ABCA9: variants seen among roughly 807,000 people sequenced by gnomAD.
The protein encoded by ABCA9 is ATP binding cassette subfamily A member 9, also known as ATP-binding cassette sub-family A member 9.
In ABCA9, 183 loss-of-function variants were observed where a neutral mutation model predicts 205.3. The observed-to-expected ratio is 0.89, with a 90% confidence interval of 0.79 to 1.01. The LOEUF (loss-of-function observed/expected upper bound fraction) is 1.01. Ranked by LOEUF, ABCA9 falls within the 50% of genes least tolerant of loss-of-function variation. ABCA9 has a pLI of 0.00. For synonymous variants in ABCA9, 651 were observed against 683.3 expected, an observed-to-expected ratio of 0.95 and a Z score of 0.74; for missense variants, 1,805 against 1,912.4, an observed-to-expected ratio of 0.94 and a Z score of 1.05.
chr17:69,002,682 C>T (rs1243115833), intron 25 of ABCA9, among the ~76,000 whole-genome samples: 3 of 149,258 alleles, frequency 2.0e-5, no homozygotes. Context: ...TGTTGACTTT[C>T]TGTCTCGTTG....
intron 1 of ABCA9, among the ~76,000 whole-genome samples, chr17:69,051,922 AT>A (rs2071912947): frequency 6.6e-6 from 1 of 152,254 alleles, no homozygotes; most frequent in Non-Finnish European, 1.5e-5. Flanking sequence ...GAAGTGGGAA[AT>A]AAGAATGGAG....
At chr17:69,056,439 G>C (rs904684291) in intron 1 of ABCA9, among the ~76,000 whole-genome samples, 3 of 152,152 alleles carry the variant, frequency 2.0e-5, no homozygotes, top group Admixed American at 1.3e-4. Context: ...TTCCTTCAAA[G>C]AGACAATCTG....
the ABCA9 span, among the ~76,000 whole-genome samples, chr17:69,073,139 A>G: frequency 2.0e-5 from 3 of 152,348 alleles, no homozygotes; most frequent in Admixed American, 6.5e-5. Context: ...AGACTTTCAC[A>G]CAATAATAGT....
At chr17:69,039,348 A>G (rs2144419164) in intron 6 of ABCA9, among the ~76,000 whole-genome samples, 1 of 152,310 alleles carries the variant, frequency 6.6e-6, no homozygotes, top group South Asian at 2.1e-4. Flanking sequence ...ACAGCATGGT[A>G]CTGGTACCAA....
rs1467710712 is a variant in ABCA9 at position 69,060,915 on chromosome 17, C to T, written c.-63G>A. 9 of 985,454 alleles carry T rather than the reference C, an allele frequency of 9.1e-6. No homozygotes were observed. The highest frequency in any genetic ancestry group is 1.7e-5 in the African/African-American group (1 of 57,374). 61.0% of individuals were successfully genotyped at this position (985,454 alleles called of 1,614,324 possible). ...CTAGAAACACAGTTCATCCATGGGT[C>T]TCTGCATGTTCTGGAGGAGAATTCA... On this transcript the variant is annotated 5_prime_UTR_variant, in exon 1 of 39. Transcript: ENST00000340001.
chr17:69,017,997 C>A (rs955656935), intron 20 of ABCA9: 2 of 498,898 alleles, frequency 4.0e-6, no homozygotes, highest in South Asian at 3.6e-5. Context: ...CTAGGCATTT[C>A]ATTATAATTT....
intron 8 of ABCA9, chr17:69,034,812 A>T (rs890666560): frequency 2.0e-5 from 3 of 152,412 alleles, no homozygotes; most frequent in African/African-American, 4.8e-5. Flanking sequence ...TATCTAGCAG[A>T]ACCTTTCATT....
At chr17:68,977,716 T>C (rs1027703277) in intron 37 of ABCA9, among the ~76,000 whole-genome samples, 1 of 152,218 alleles carries the variant, frequency 6.6e-6, no homozygotes, top group African/African-American at 2.4e-5. Context: ...GCCTAGCCCA[T>C]TCAATAAGTG....
intron 25 of ABCA9, among the ~76,000 whole-genome samples, chr17:68,996,692 A>G (rs969832553): frequency 5.3e-5 from 8 of 152,238 alleles, no homozygotes; most frequent in African/African-American, 1.9e-4. Context: ...TATTGTAGGC[A>G]TCGTTGATTT....
chr17:69,065,143 GAT>G (rs749913502), upstream of ABCA9, among the ~76,000 whole-genome samples: 8 of 152,004 alleles, frequency 5.3e-5, no homozygotes, highest in Non-Finnish European at 1.2e-4. Flanking sequence ...CTCAGGTATA[GAT>G]TTTTGGGTTT....
the ABCA9 span, among the ~76,000 whole-genome samples, chr17:69,066,115 C>T: frequency 6.6e-6 from 1 of 152,156 alleles, no homozygotes; most frequent in Non-Finnish European, 1.5e-5. Context: ...ATACCCTTGC[C>T]CTCATTGCAT....
At chr17:69,052,358 G>C (rs2071934066) in intron 1 of ABCA9, among the ~76,000 whole-genome samples, 1 of 152,150 alleles carries the variant, frequency 6.6e-6, no homozygotes, top group Non-Finnish European at 1.5e-5. Context: ...CTGGGTGACA[G>C]AGAGAGACTC....
intron 37 of ABCA9, among the ~76,000 whole-genome samples, chr17:68,976,880 C>A (rs1182474716): frequency 1.3e-5 from 2 of 152,154 alleles, no homozygotes; most frequent in Non-Finnish European, 2.9e-5. Context: ...ATGACTGAGA[C>A]CTCAACCATG....
intron 37 of ABCA9, 101 bp downstream of exon 37, chr17:68,982,461 A>G: frequency 1.1e-6 from 1 of 897,472 alleles, no homozygotes; most frequent in South Asian, 1.5e-5. Flanking sequence ...TAATGATATA[A>G]CAGCATAATT....
At chr17:69,051,495 A>T (rs559531981) in intron 1 of ABCA9, 1 of 234,628 alleles carries the variant, frequency 4.3e-6, no homozygotes, top group East Asian at 9.8e-5. Context: ...ACCCAGTCAC[A>T]TGGGTGATTC....
intron 19 of ABCA9, among the ~76,000 whole-genome samples, chr17:69,019,464 A>G (rs1013181759): frequency 2.0e-5 from 3 of 152,104 alleles, no homozygotes; most frequent in African/African-American, 7.2e-5. Context: ...CTACTCCCTC[A>G]GCCTGAATTT....
chr17:68,976,157 A>T lies in ABCA9; in HGVS notation c.4754T>A (p.Leu1585His). The T allele has an allele frequency of 6.2e-7, 1 of 1,614,112 alleles. No homozygotes were observed. Among genetic ancestry groups the T allele is most frequent in the East Asian group, 2.2e-5 (1 of 44,876 alleles). Residue 1585 changes from leucine to histidine, a missense_variant, in exon 38 of 39, where the codon CTC becomes CAC. Transcript: ENST00000340001. ...CACCTGCTCCAGGGTAGACTGTGAG[A>T]GGCTGTACTCCTCCAGGTCGAAACT... The part of the protein sequence containing the change: ...KQSFDLEEYS[L>H]SQSTLEQVFL...
intron 6 of ABCA9, among the ~76,000 whole-genome samples, chr17:69,041,208 G>T (rs2071521830): frequency 6.6e-6 from 1 of 152,002 alleles, no homozygotes; most frequent in Non-Finnish European, 1.5e-5. Flanking sequence ...AACTCCCTTT[G>T]CACAGTACAC....
Position 69,049,326 on chromosome 17 carries a change from G to C in ABCA9, c.261C>G (p.Thr87=). The C allele has an allele frequency of 6.2e-7, 1 of 1,613,042 alleles. No individual in the cohort carries two copies. Among genetic ancestry groups the C allele is most frequent in the East Asian group, 2.2e-5 (1 of 44,776 alleles). ...AAGCCACTTTGTTCATTATCTCTTG[G>C]GTAGTTTTGGATTCAGGTGCAAATG... The part of the protein sequence containing the change: ...VIAFAPESKT[T]QEIMNKVASA... The change falls in exon 3 of 39, where the codon ACC becomes ACG. Residue 87 remains threonine, a synonymous_variant. Transcript: ENST00000340001.
Sources: allele counts gnomAD v4.1 joint callset (sites outside exome capture counted in the v4.1 genomes callset), GRCh38; gene constraint gnomAD v4.1.1; transcripts MANE v1.5; gene names NCBI Gene and HGNC (gene_info 2026-07-23, HGNC 2026-07-21).